FBXO36: variants seen among roughly 807,000 people sequenced by gnomAD.
The protein encoded by FBXO36 is F-box only protein 36.
Under a neutral mutation model 17.0 loss-of-function variants are expected in FBXO36, and 18 were observed. The observed-to-expected ratio is 1.06, with a 90% CI of 0.73 to 1.57. FBXO36 has a LOEUF of 1.57. Among genes scored for constraint, FBXO36 ranks in the 40% most tolerant of loss-of-function variants. FBXO36 has a pLI of 0.00. For synonymous variants in FBXO36, 83 were observed against 85.3 expected, an observed-to-expected ratio of 0.97 and a Z score of 0.15; for missense variants, 229 against 221.9, an observed-to-expected ratio of 1.03 and a Z score of -0.20.
rs372035029 is a variant in FBXO36 at position 229,973,067 on chromosome 2, A to G, written c.97-3174A>G. On this transcript the variant is annotated intron_variant, in intron 1 of 3. Transcript: ENST00000283946. ...AGAGCAAGACTCTGTCTCAAAAAAA[A>G]AAAAAGAAAAAGATATTGTGTACCT... is the stretch of plus-strand genomic sequence containing the variant. Among the ~76,000 whole-genome samples the G allele has an allele frequency of 8.6e-5, 13 of 150,544 alleles. No individual in the cohort carries two copies. In the East Asian group the frequency reaches 9.8e-4, roughly 11 times the overall value.
intron 2 of FBXO36, among the ~76,000 whole-genome samples, chr2:229,978,693 C>G (rs182622903): frequency 6.6e-6 from 1 of 152,120 alleles, no homozygotes; most frequent in African/African-American, 2.4e-5. Context: ...AGTACTTTCA[C>G]TCTCATTTTA....
chr2:229,957,947 T>G (rs1047514733), intron 1 of FBXO36, among the ~76,000 whole-genome samples: 1 of 152,154 alleles, frequency 6.6e-6, no homozygotes, highest in Admixed American at 6.6e-5. Flanking sequence ...CACCTTCAAG[T>G]TGTAAATAGT....
intron 3 of FBXO36, among the ~76,000 whole-genome samples, chr2:230,005,283 G>A (rs1034004325): frequency 2.0e-5 from 3 of 147,260 alleles, no homozygotes; most frequent in African/African-American, 7.3e-5. Flanking sequence ...TGTGTTTTTT[G>A]TAGAGACTGG....
At chr2:229,949,812 C>G (rs2077047727) in intron 1 of FBXO36, among the ~76,000 whole-genome samples, 1 of 152,126 alleles carries the variant, frequency 6.6e-6, no homozygotes, top group African/African-American at 2.4e-5. Flanking sequence ...GTAGTCCCAG[C>G]TACTCGGGAG....
At chr2:229,977,664 G>A (rs985295364) in intron 2 of FBXO36, among the ~76,000 whole-genome samples, 1 of 151,898 alleles carries the variant, frequency 6.6e-6, no homozygotes, top group Admixed American at 6.6e-5. Context: ...TGGCCAGGCT[G>A]GTCTCGAACT....
intron 1 of FBXO36, among the ~76,000 whole-genome samples, chr2:229,940,847 G>A (rs2076994348): frequency 6.6e-6 from 1 of 152,138 alleles, no homozygotes; most frequent in South Asian, 2.1e-4. Context: ...AAATAAATTC[G>A]TGTTGTTTTA....
At chr2:229,956,634 A>C (rs948438769) in intron 1 of FBXO36, among the ~76,000 whole-genome samples, 2 of 152,168 alleles carry the variant, frequency 1.3e-5, no homozygotes, top group Non-Finnish European at 2.9e-5. Flanking sequence ...TTCCTGTGGT[A>C]AGTCAGTCTC....
chr2:229,923,422 G>A (rs2076847532), intron 1 of FBXO36, among the ~76,000 whole-genome samples: 1 of 152,174 alleles, frequency 6.6e-6, no homozygotes, highest in Admixed American at 6.5e-5. Context: ...GTTTACGCCT[G>A]TCACTGAGTT....
At chr2:229,925,181 T>C (rs1430612043) in intron 1 of FBXO36, among the ~76,000 whole-genome samples, 3 of 152,068 alleles carry the variant, frequency 2.0e-5, no homozygotes, top group Non-Finnish European at 2.9e-5. Context: ...CAGTTACATA[T>C]ATATAAAATC....
intron 1 of FBXO36, among the ~76,000 whole-genome samples, chr2:229,974,696 G>C (rs987222243): frequency 6.6e-6 from 1 of 152,104 alleles, no homozygotes; most frequent in South Asian, 2.1e-4. Flanking sequence ...GATCTGGCTG[G>C]AAGGATCACT....
chr2:229,933,762 T>G (rs2076950713), intron 1 of FBXO36, among the ~76,000 whole-genome samples: 1 of 152,170 alleles, frequency 6.6e-6, no homozygotes, highest in Non-Finnish European at 1.5e-5. Flanking sequence ...CTCAGCTCAC[T>G]GCAACCCACA....
intron 3 of FBXO36, among the ~76,000 whole-genome samples, chr2:230,007,956 T>C (rs1024299888): frequency 2.0e-5 from 3 of 152,162 alleles, no homozygotes; most frequent in African/African-American, 7.2e-5. Flanking sequence ...CTCAAACTCC[T>C]GACCTCAAGT....
rs1304074233 is a variant in FBXO36 at position 229,959,219 on chromosome 2, AT to A, written c.97-17018del. 6.5e-4 allele frequency among the ~76,000 whole-genome samples: 99 copies of A among 152,102 alleles called. 1 individual carries two copies. Among genetic ancestry groups the A allele is most frequent in the African/African-American group, 2.3e-3 (97 of 41,498 alleles). On this transcript the variant is annotated intron_variant, in intron 1 of 3. Coordinates refer to ENST00000283946, the MANE Select transcript of FBXO36 (RefSeq NM_174899.5). ...TAATAAAAAGAGGTGGAATCTTGCT[AT>A]TTTGCCCAGGCTGGTCTTGAACACC...
chr2:229,999,917 G>A (rs538363681), intron 3 of FBXO36, among the ~76,000 whole-genome samples: 13 of 151,964 alleles, frequency 8.6e-5, no homozygotes, highest in African/African-American at 2.9e-4. Context: ...GTATTCATAA[G>A]TTCTCATCAT....
intron 2 of FBXO36, among the ~76,000 whole-genome samples, chr2:229,982,734 G>GAT (rs1235345544): frequency 1.3e-5 from 2 of 150,136 alleles, no homozygotes; most frequent in Non-Finnish European, 3.0e-5. Flanking sequence ...TTGAAACTGG[G>GAT]AGGCAGAAGT....
At chr2:229,956,936 C>T (rs1432247363) in intron 1 of FBXO36, among the ~76,000 whole-genome samples, 1 of 152,146 alleles carries the variant, frequency 6.6e-6, no homozygotes, top group African/African-American at 2.4e-5. Flanking sequence ...TAGGATTATA[C>T]CCATATGACT....
chr2:229,982,399 CGT>C (rs1253359009), intron 2 of FBXO36, among the ~76,000 whole-genome samples: 1 of 152,076 alleles, frequency 6.6e-6, no homozygotes, highest in Non-Finnish European at 1.5e-5. Flanking sequence ...ACCTTGCCTC[CGT>C]GGTCATGTCT....
intron 1 of FBXO36, among the ~76,000 whole-genome samples, chr2:229,929,133 C>T (rs891485450): frequency 6.6e-5 from 10 of 151,800 alleles, no homozygotes; most frequent in Non-Finnish European, 1.3e-4. Context: ...GGGGTTTCAC[C>T]ATGTTTGCCA....
At chr2:229,975,198 T>C (rs978332614) in intron 1 of FBXO36, among the ~76,000 whole-genome samples, 3 of 152,082 alleles carry the variant, frequency 2.0e-5, no homozygotes, top group Admixed American at 2.0e-4. Context: ...AGCAGATCCA[T>C]TACCAAGAAG....
Sources: gnomAD v4.1 joint callset for allele counts (sites outside exome capture counted in the v4.1 genomes callset) on GRCh38, gnomAD v4.1.1 for gene constraint, MANE v1.5 for transcripts, NCBI Gene and HGNC (gene_info 2026-07-23, HGNC 2026-07-21) for gene names.